EYA2: variants seen among roughly 807,000 people sequenced by gnomAD.
EYA2 encodes protein phosphatase EYA2.
In EYA2, 31 loss-of-function variants were observed where a neutral mutation model predicts 69.2. The observed-to-expected ratio is 0.45, with a 90% confidence interval of 0.34 to 0.60. The LOEUF is 0.60. Among genes scored for constraint, EYA2 ranks in the 20% least tolerant of loss-of-function variants. EYA2 has a pLI of 0.02. For missense variants in EYA2, 622 were observed against 701.2 expected, an observed-to-expected ratio of 0.89 and a Z score of 1.28; for synonymous variants, 257 against 279.4, an observed-to-expected ratio of 0.92 and a Z score of 0.80.
At chr20:46,943,720 T>C (rs1448510559) in intron 1 of EYA2, among the ~76,000 whole-genome samples, 1 of 152,170 alleles carries the variant, frequency 6.6e-6, no homozygotes, top group African/African-American at 2.4e-5. Context: ...AGAAGGAAGC[T>C]AGGTTGGATT....
At position 47,173,588 on chromosome 20, in the gene EYA2, A is replaced by AT. The variant is rs574098910; in HGVS notation, c.1198+730dup. ...ACTGACTCAGAATCTGCTTTAAAAA[A>AT]TTTTTTTTTATTTTTGAGACAAGGT... On this transcript the variant is annotated intron_variant, in intron 12 of 15. Coordinates refer to ENST00000327619, the MANE Select transcript of EYA2 (RefSeq NM_005244.5). 2.6e-3 allele frequency among the ~76,000 whole-genome samples: 398 copies of AT among 150,540 alleles called. 5 individuals are homozygous for AT. Among genetic ancestry groups the AT allele is most frequent in the Non-Finnish European group, 3.5e-3 (240 of 67,666 alleles).
chr20:47,143,644 C>T (rs932670180), intron 10 of EYA2, among the ~76,000 whole-genome samples: 3 of 152,178 alleles, frequency 2.0e-5, no homozygotes, highest in Middle Eastern at 3.4e-3. Flanking sequence ...AGTATCTGCT[C>T]CTGAGCCCGT....
rs373983191 is a variant in EYA2, at chr20:47,078,186, A to T, written c.661+3851A>T. Among the ~76,000 whole-genome samples, 5 of 152,272 alleles carry T rather than the reference A, an allele frequency of 3.3e-5. No individual in the cohort carries two copies. The East Asian group carries it at 7.7e-4, about 24-fold the overall frequency. On this transcript the variant is annotated intron_variant, in intron 7 of 15. Transcript: ENST00000327619. ...ACAGTAAGTGGTTGAGATGGTTTTT[A>T]CTGTGTGTCTAACAAGCTGACATAA...
At chr20:46,926,758 A>G (rs1464348007) in intron 1 of EYA2, among the ~76,000 whole-genome samples, 1 of 152,196 alleles carries the variant, frequency 6.6e-6, no homozygotes, top group Non-Finnish European at 1.5e-5. Context: ...TTTCCACTAT[A>G]TCTCTTTATA....
chr20:47,147,931 C>T lies in EYA2; in HGVS notation c.978+4783C>T, dbSNP rs139607327. 3.7e-3 allele frequency among the ~76,000 whole-genome samples: 556 copies of T among 151,940 alleles called. 1 individual carries two copies. Among genetic ancestry groups the T allele is most frequent in the African/African-American group, 0.012 (508 of 41,424 alleles). ...AAAATTAGCCAGGTGTGGTAGCAGGCGCCTGTAATCCCAGCTACCCAGGAG... is the reference window on the plus strand; with the variant it reads ...AAAATTAGCCAGGTGTGGTAGCAGGTGCCTGTAATCCCAGCTACCCAGGAG... On this transcript the variant is annotated intron_variant, in intron 10 of 15. Transcript: ENST00000327619.
chr20:47,020,940 T>G (rs540926988), intron 5 of EYA2, among the ~76,000 whole-genome samples: 11 of 152,216 alleles, frequency 7.2e-5, no homozygotes, highest in Non-Finnish European at 4.4e-5. Context: ...TCAGGTTGAG[T>G]TAACCTCCAA....
intron 1 of EYA2, among the ~76,000 whole-genome samples, chr20:46,960,458 C>T (rs902716189): frequency 6.6e-6 from 1 of 152,142 alleles, no homozygotes; most frequent in Non-Finnish European, 1.5e-5. Context: ...TTAATCATCC[C>T]AGCAGCGCTA....
chr20:46,971,163 G>C (rs1311520355), intron 1 of EYA2, among the ~76,000 whole-genome samples: 1 of 152,126 alleles, frequency 6.6e-6, no homozygotes, highest in African/African-American at 2.4e-5. Context: ...GAGATGGTGA[G>C]TAGATAGAAA....
chr20:47,048,122 G>T (rs1247692070), intron 5 of EYA2, among the ~76,000 whole-genome samples: 1 of 152,156 alleles, frequency 6.6e-6, no homozygotes, highest in Admixed American at 6.5e-5. Flanking sequence ...AAATTCCGAG[G>T]ATTAGGACAT....
chr20:47,034,463 C>G (rs1241257736), intron 5 of EYA2, among the ~76,000 whole-genome samples: 1 of 152,154 alleles, frequency 6.6e-6, no homozygotes, highest in Non-Finnish European at 1.5e-5. Flanking sequence ...ATGCAGGAAT[C>G]TTGTTCAATA....
chr20:46,958,167 C>T (rs1334463348), intron 1 of EYA2, among the ~76,000 whole-genome samples: 2 of 152,168 alleles, frequency 1.3e-5, no homozygotes, highest in Non-Finnish European at 2.9e-5. Context: ...AGCTAGAACT[C>T]GAGTCTGGTA....
intron 5 of EYA2, among the ~76,000 whole-genome samples, chr20:47,026,514 CA>C (rs531562167): frequency 4.0e-5 from 6 of 148,536 alleles, no homozygotes; most frequent in African/African-American, 1.2e-4. Context: ...AGCAAACAAA[CA>C]AAAAAAAAGA....
chr20:46,916,699 G>C (rs1221978751), intron 1 of EYA2, among the ~76,000 whole-genome samples: 1 of 152,126 alleles, frequency 6.6e-6, no homozygotes, highest in Non-Finnish European at 1.5e-5. Flanking sequence ...CCTTTCTTCT[G>C]GGATATAGTG....
chr20:47,108,317 C>A (rs193029748), intron 9 of EYA2, among the ~76,000 whole-genome samples: 5 of 152,164 alleles, frequency 3.3e-5, no homozygotes, highest in Admixed American at 1.3e-4. Flanking sequence ...CCTGGCAGCT[C>A]CCTCCACTCT....
chr20:47,139,138 C>T (rs923478840), intron 9 of EYA2, among the ~76,000 whole-genome samples: 1 of 152,178 alleles, frequency 6.6e-6, no homozygotes, highest in Non-Finnish European at 1.5e-5. Context: ...TATTCCCAAT[C>T]TTTTGCTATT....
chr20:46,946,359 T>C (rs1278953315), intron 1 of EYA2, among the ~76,000 whole-genome samples: 1 of 152,240 alleles, frequency 6.6e-6, no homozygotes, highest in African/African-American at 2.4e-5. Context: ...TGAACTCATT[T>C]CTTGAGCATC....
chr20:47,143,061 C>T lies in EYA2; in HGVS notation c.891C>T (p.Asp297=). The T allele has an allele frequency of 6.2e-7, 1 of 1,613,140 alleles. No individual in the cohort carries two copies. The highest frequency in any genetic ancestry group is 8.5e-7 in the Non-Finnish European group (1 of 1,179,574). Residue 297 remains aspartate, a splice_region_variant and synonymous_variant, in exon 10 of 16, where the codon GAC becomes GAT. Coordinates refer to ENST00000327619, the MANE Select transcript of EYA2 (RefSeq NM_005244.5). The part of the protein sequence containing the change: ...TGTFASRYGK[D]TTTSVRIGLM... ...TTTTCCCCTTCTCTGCCTCGCAGGA[C>T]ACCACGACGTCCGTGCGCATTGGCC...
Position 47,005,127 on chromosome 20 carries a change from A to G in EYA2, c.298+43A>G, listed in dbSNP as rs757913242. On this transcript the variant is annotated intron_variant, in intron 4 of 15. Coordinates refer to ENST00000327619, the MANE Select transcript of EYA2 (RefSeq NM_005244.5). ...CCTTACTCTCCTCCTCAGGTCCCCA[A>G]ATCATGGTCTTTGTTCTGCACTATT... 6 of 1,602,650 alleles carry G rather than the reference A, an allele frequency of 3.7e-6. No individual in the cohort carries two copies. The East Asian group carries it at 6.7e-5, about 18-fold the overall frequency.
rs2034369532 is a variant in EYA2, at chr20:47,173,525, A to AAAC, written c.1198+660_1198+661insCAA. On this transcript the variant is annotated intron_variant, in intron 12 of 15. Coordinates refer to ENST00000327619, the MANE Select transcript of EYA2 (RefSeq NM_005244.5). The stretch of plus-strand genomic sequence containing the variant: ...GAGACCCCGTAAAAAAAAAAAAAAA[A>AAAC]AAAAAAACGTGCAGGGTCTCAGGCC... Among the ~76,000 whole-genome samples the AAAC allele has an allele frequency of 1.3e-5, 2 of 150,748 alleles. 1 individual carries two copies. The highest frequency in any genetic ancestry group is 1.3e-4 in the Admixed American group (2 of 15,094).
Sources: allele counts gnomAD v4.1 joint callset (sites outside exome capture counted in the v4.1 genomes callset), GRCh38; gene constraint gnomAD v4.1.1; transcripts MANE v1.5; gene names NCBI Gene and HGNC (gene_info 2026-07-23, HGNC 2026-07-21).